Variants in CDH4 observed in about 807,000 individuals in gnomAD.
CDH4 encodes the protein cadherin-4.
A neutral mutation model predicts 86.0 loss-of-function variants in CDH4; 33 were observed. That is an observed-to-expected ratio of 0.38 (90% CI 0.29 to 0.51). The LOEUF is 0.51. Among genes scored for constraint, CDH4 ranks in the 20% least tolerant of loss-of-function variants. The probability of loss-of-function intolerance (pLI) is 0.86; values close to 1 mark genes in which losing one functional copy is unlikely to be tolerated. For synonymous variants in CDH4, 555 were observed against 549.4 expected (o/e 1.01, Z -0.14); for missense variants, 1,114 against 1,307.4 (o/e 0.85, Z 2.28).
At chr20:61,758,371 C>A (rs1369743121) in intron 3 of CDH4, among the ~76,000 whole-genome samples, 1 of 152,188 alleles carries the variant, frequency 6.6e-6, no homozygotes, top group African/African-American at 2.4e-5. Context: ...TGTGCTCTGC[C>A]TCGGGCCCTG....
chr20:61,891,789 C>T (rs763201351), intron 7 of CDH4, among the ~76,000 whole-genome samples: 2 of 152,224 alleles, frequency 1.3e-5, no homozygotes, highest in Non-Finnish European at 2.9e-5. Flanking sequence ...TCCAACCGCA[C>T]CTCCCAGCCC....
intron 2 of CDH4, among the ~76,000 whole-genome samples, chr20:61,300,534 T>C (rs1263833873): frequency 1.3e-5 from 2 of 152,162 alleles, no homozygotes; most frequent in Non-Finnish European, 2.9e-5. Context: ...ATCCCCCGTC[T>C]GCCCTGCCGG....
At chr20:61,781,711 A>G (rs2145999033) in intron 4 of CDH4, among the ~76,000 whole-genome samples, 1 of 152,324 alleles carries the variant, frequency 6.6e-6, no homozygotes, top group South Asian at 2.1e-4. Context: ...CAAAGAAATA[A>G]TGATTGAGAC....
At chr20:61,630,773 G>T (rs1568723019) in intron 2 of CDH4, among the ~76,000 whole-genome samples, 1 of 152,306 alleles carries the variant, frequency 6.6e-6, no homozygotes, top group East Asian at 1.9e-4. Flanking sequence ...AAACTGAAAT[G>T]ACTCTCTGGG....
chr20:61,339,875 C>G (rs1292383197), intron 2 of CDH4, among the ~76,000 whole-genome samples: 1 of 152,144 alleles, frequency 6.6e-6, no homozygotes, highest in Admixed American at 6.5e-5. Flanking sequence ...TCAGTGTGCC[C>G]TATAGAGCAA....
At chr20:61,583,203 G>T (rs74177963) in intron 2 of CDH4, among the ~76,000 whole-genome samples, 1 of 47,910 alleles carries the variant, frequency 2.1e-5, no homozygotes, top group Non-Finnish European at 4.1e-5. Context: ...GAGGGACAGA[G>T]GGCTCTGCGG....
chr20:61,476,302 C>T (rs73318385), intron 2 of CDH4, among the ~76,000 whole-genome samples: 5,907 of 152,290 alleles, frequency 0.039, 138 homozygotes, highest in Non-Finnish European at 0.044. Flanking sequence ...TTCCTGTCCT[C>T]GGTAGACGGA....
At chr20:61,424,332 A>T (rs1433398086) in intron 2 of CDH4, among the ~76,000 whole-genome samples, 1 of 149,888 alleles carries the variant, frequency 6.7e-6, no homozygotes, top group Non-Finnish European at 1.5e-5. Flanking sequence ...TACAACACAC[A>T]TGTATCCAAA....
intron 3 of CDH4, among the ~76,000 whole-genome samples, chr20:61,767,040 C>T (rs1203841742): frequency 6.6e-6 from 1 of 152,184 alleles, no homozygotes; most frequent in South Asian, 2.1e-4. Context: ...CAAGCTTGAG[C>T]GGGGCTTCAT....
chr20:61,736,228 C>G (rs565428883), intron 2 of CDH4, among the ~76,000 whole-genome samples: 1 of 152,338 alleles, frequency 6.6e-6, no homozygotes, highest in African/African-American at 2.4e-5. Context: ...TTCTTGTCAC[C>G]TCAGCTGCCC....
At chr20:61,538,881 G>T (rs185979079) in intron 2 of CDH4, among the ~76,000 whole-genome samples, 1 of 152,372 alleles carries the variant, frequency 6.6e-6, no homozygotes, top group East Asian at 1.9e-4. Context: ...CTCTTAGGAG[G>T]CTCTGATGTT....
At chr20:61,508,865 G>T (rs1489249452) in intron 2 of CDH4, among the ~76,000 whole-genome samples, 2 of 152,234 alleles carry the variant, frequency 1.3e-5, no homozygotes, top group Non-Finnish European at 2.9e-5. Context: ...GGCTTGGGCT[G>T]GGTTGGCAAG....
At chr20:61,900,121 G>A (rs1412044799) in intron 8 of CDH4, among the ~76,000 whole-genome samples, 1 of 152,142 alleles carries the variant, frequency 6.6e-6, no homozygotes, top group Non-Finnish European at 1.5e-5. Context: ...GGGGGGGACT[G>A]GCTGGGCTGA....
intron 8 of CDH4, among the ~76,000 whole-genome samples, chr20:61,899,915 C>T (rs1189823736): frequency 6.6e-6 from 1 of 152,194 alleles, no homozygotes; most frequent in Non-Finnish European, 1.5e-5. Flanking sequence ...TTGCCAGAGG[C>T]AGGGTGTCAG....
intron 2 of CDH4, among the ~76,000 whole-genome samples, chr20:61,358,337 C>A (rs1407187238): frequency 1.3e-5 from 2 of 152,198 alleles, no homozygotes; most frequent in African/African-American, 2.4e-5. Context: ...CACACAGCAC[C>A]CACATCAGTC....
At chr20:61,542,259 A>G (rs2086045254) in intron 2 of CDH4, among the ~76,000 whole-genome samples, 1 of 152,228 alleles carries the variant, frequency 6.6e-6, no homozygotes, top group Non-Finnish European at 1.5e-5. Flanking sequence ...AACAGTGTGC[A>G]GTGCTGACCT....
intron 2 of CDH4, among the ~76,000 whole-genome samples, chr20:61,604,131 G>A (rs2086624437): frequency 6.6e-6 from 1 of 152,202 alleles, no homozygotes; most frequent in Non-Finnish European, 1.5e-5. Context: ...CCAGTCCAAA[G>A]TGCTGATGCC....
rs1312828859 is a variant in CDH4 at position 61,252,316 on chromosome 20, C to T, written c.-198C>T. On this transcript the variant is annotated 5_prime_UTR_variant, in exon 1 of 16. Coordinates refer to ENST00000614565, the MANE Select transcript of CDH4 (RefSeq NM_001794.5). The surrounding 1 kb of genome is among the most constrained non-coding windows in gnomAD (Gnocchi z 4.4). ...CGCACCGGCCCGAGGGAACGCGCCGCCGGCCGGACTTGGCCTGGCTCCCGG... is the reference window on the plus strand; with the variant it reads ...CGCACCGGCCCGAGGGAACGCGCCGTCGGCCGGACTTGGCCTGGCTCCCGG... 6.7e-6 allele frequency: 1 copy of T among 148,942 alleles called. No individual in the cohort carries two copies. Among genetic ancestry groups the T allele is most frequent in the Non-Finnish European group, 1.5e-5 (1 of 67,934 alleles). 9.2% of individuals were successfully genotyped at this position (148,942 alleles called of 1,614,324 possible).
intron 7 of CDH4, among the ~76,000 whole-genome samples, chr20:61,894,106 C>T (rs1016257256): frequency 6.6e-5 from 10 of 152,096 alleles, no homozygotes; most frequent in Admixed American, 2.6e-4. Flanking sequence ...TGGTGAGAGG[C>T]GGGCTGTGGT....
Sources: allele counts gnomAD v4.1 joint callset (sites outside exome capture counted in the v4.1 genomes callset), GRCh38; gene constraint gnomAD v4.1.1; non-coding constraint Gnocchi (gnomAD v3.1); transcripts MANE v1.5; gene names NCBI Gene and HGNC (gene_info 2026-07-23, HGNC 2026-07-21).